Variants in TMEM87A observed in about 807,000 individuals in gnomAD.
TMEM87A encodes transmembrane protein 87A.
A neutral mutation model predicts 90.0 loss-of-function variants in TMEM87A; 50 were observed. The ratio of observed to expected loss-of-function variants is 0.56; its 90% CI spans 0.44 to 0.70. The LOEUF (loss-of-function observed/expected upper bound fraction) is 0.70, where lower values mean the gene tolerates loss of function less well. Among genes scored for constraint, TMEM87A ranks in the 30% least tolerant of loss-of-function variants. The pLI is 0.00. For synonymous variants in TMEM87A, 226 were observed against 226.7 expected (o/e 1.00, Z 0.03); for missense variants, 577 against 660.5 (o/e 0.87, Z 1.39).
intron 6 of TMEM87A, among the ~76,000 whole-genome samples, chr15:42,246,846 C>T (rs2050982678): frequency 6.6e-6 from 1 of 152,180 alleles, no homozygotes; most frequent in Admixed American, 6.5e-5. Flanking sequence ...ATTTCTAGTT[C>T]TAGATCCTTG....
Position 42,220,920 on chromosome 15 carries a change from T to G in TMEM87A, c.1404-785A>C, listed in dbSNP as rs1028546521. 2.6e-5 allele frequency among the ~76,000 whole-genome samples: 4 copies of G among 152,162 alleles called. No individual in the cohort carries two copies. In the East Asian group the frequency reaches 7.7e-4, roughly 29 times the overall value. ...CATTCTCCTGCCTCAGCTTCCCGAA[T>G]AGCTGGGAGTACAGGCGCCCGCCAC... On this transcript the variant is annotated intron_variant, in intron 15 of 19. Coordinates refer to ENST00000389834, the MANE Select transcript of TMEM87A (RefSeq NM_015497.5).
chr15:42,259,085 A>G (rs1030613834), intron 6 of TMEM87A: 1 of 675,986 alleles, frequency 1.5e-6, no homozygotes, highest in African/African-American at 1.8e-5. Flanking sequence ...GAAACTGTTA[A>G]CAGCTGATAA....
rs376455422 is a variant in TMEM87A, at chr15:42,267,954, T to C, written c.284A>G (p.Asn95Ser). Residue 95 changes from asparagine to serine, a missense_variant, in exon 3 of 20, where the codon AAC becomes AGC. Asn to Ser is a conservative substitution (Grantham distance 46). Coordinates refer to ENST00000389834, the MANE Select transcript of TMEM87A (RefSeq NM_015497.5). ...KSADCYNEIY[N>S]FKAEEVELYL... ...TAATTTTATGTTCCTTACCTTGAAG[T>C]TATAGATTTCATTGTAACAATCAGC... 44 of 1,612,160 alleles carry C rather than the reference T, an allele frequency of 2.7e-5. No individual in the cohort carries two copies. The highest frequency in any genetic ancestry group is 2.3e-4 in the Admixed American group (14 of 59,856).
rs1303329651 is a variant in TMEM87A, at chr15:42,273,369, C to A, written c.30G>T (p.Leu10Phe). 1.2e-6 allele frequency: 2 copies of A among 1,614,124 alleles called. No homozygotes were observed. Among genetic ancestry groups the A allele is most frequent in the Middle Eastern group, 1.6e-4 (1 of 6,062 alleles). Residue 10 changes from leucine (L) to phenylalanine (F), a missense_variant, in exon 1 of 20, where the codon TTG becomes TTT. Transcript: ENST00000389834. The part of the protein sequence containing the change: MAAAAWLQV[L>F]PVILLLLGAH... ...CTCCCAGAAGCAGAAGAATGACAGG[C>A]AACACCTGAAGCCACGCAGCCGCCG...
intron 11 of TMEM87A, among the ~76,000 whole-genome samples, chr15:42,232,300 C>A (rs2050698546): frequency 6.6e-6 from 1 of 152,138 alleles, no homozygotes; most frequent in South Asian, 2.1e-4. Context: ...TGGCTCACCG[C>A]AGCCTGAACT....
intron 1 of TMEM87A, 88 bp downstream of exon 1, chr15:42,273,166 CT>C (rs2051586852): frequency 6.5e-7 from 1 of 1,538,268 alleles, no homozygotes; most frequent in Non-Finnish European, 8.9e-7. Context: ...TTTGAAGAGA[CT>C]TTTGCGGAAC....
intron 6 of TMEM87A, among the ~76,000 whole-genome samples, chr15:42,250,081 T>C (rs891447644): frequency 1.3e-5 from 2 of 152,222 alleles, no homozygotes; most frequent in African/African-American, 2.4e-5. Flanking sequence ...GAGACTAGAA[T>C]TGCAACCCTG....
intron 8 of TMEM87A, among the ~76,000 whole-genome samples, chr15:42,238,441 G>A (rs926111959): frequency 4.6e-5 from 7 of 151,974 alleles, no homozygotes; most frequent in African/African-American, 1.5e-4. Context: ...ATGGTGGTGC[G>A]CACCTGTAGT....
At chr15:42,246,827 T>A (rs1160276465) in intron 6 of TMEM87A, among the ~76,000 whole-genome samples, 1 of 152,178 alleles carries the variant, frequency 6.6e-6, no homozygotes, top group Non-Finnish European at 1.5e-5. Flanking sequence ...GATGGCTGGG[T>A]CAACTGGTAT....
intron 10 of TMEM87A, among the ~76,000 whole-genome samples, chr15:42,233,708 T>C (rs1296141493): frequency 6.6e-6 from 1 of 152,160 alleles, no homozygotes; most frequent in Non-Finnish European, 1.5e-5. Context: ...TTTGATATAT[T>C]TCAGTATGTG....
chr15:42,212,466 T>C (rs935354688), intron 19 of TMEM87A, among the ~76,000 whole-genome samples: 1 of 152,190 alleles, frequency 6.6e-6, no homozygotes, highest in East Asian at 1.9e-4. Flanking sequence ...TCCTTTCCGA[T>C]GCTCTCTGTT....
intron 6 of TMEM87A, chr15:42,258,729 A>G (rs1394256007): frequency 4.1e-5 from 57 of 1,382,820 alleles, no homozygotes; most frequent in South Asian, 3.5e-4. Context: ...ACCCAGTCCT[A>G]ATGGCTATCT....
chr15:42,273,440 T>C, upstream of TMEM87A: 1 of 1,610,394 alleles, frequency 6.2e-7, no homozygotes, highest in Non-Finnish European at 8.5e-7. Flanking sequence ...TTTCACCCTC[T>C]TCCGGTTCGT....
chr15:42,213,363 A>G (rs1210407493), intron 19 of TMEM87A, among the ~76,000 whole-genome samples: 1 of 152,226 alleles, frequency 6.6e-6, no homozygotes, highest in African/African-American at 2.4e-5. Flanking sequence ...CCCCCAGCTC[A>G]GTGCAGAGTA....
At chr15:42,225,311 G>A (rs973775474) in intron 15 of TMEM87A, among the ~76,000 whole-genome samples, 5 of 151,232 alleles carry the variant, frequency 3.3e-5, no homozygotes, top group Admixed American at 2.0e-4. Flanking sequence ...GGGGGGGGGG[G>A]GAAGGCATAA....
chr15:42,244,008 A>G (rs986254079), intron 7 of TMEM87A, 42 bp downstream of exon 7: 4 of 1,193,238 alleles, frequency 3.4e-6, no homozygotes, highest in Non-Finnish European at 4.7e-6. Context: ...GAATGACATA[A>G]CCAGATAATA....
At chr15:42,244,963 T>C (rs1220921041) in intron 6 of TMEM87A, among the ~76,000 whole-genome samples, 3 of 151,684 alleles carry the variant, frequency 2.0e-5, no homozygotes, top group Non-Finnish European at 4.4e-5. Context: ...CCAAAATGAA[T>C]AGCTGATTTT....
chr15:42,272,880 C>A, intron 1 of TMEM87A: 1 of 468,256 alleles, frequency 2.1e-6, no homozygotes, highest in Non-Finnish European at 4.2e-6. Context: ...AATGAAGACT[C>A]CTATTTACAT....
At chr15:42,245,478 T>C (rs891644567) in intron 6 of TMEM87A, among the ~76,000 whole-genome samples, 1 of 152,076 alleles carries the variant, frequency 6.6e-6, no homozygotes, top group African/African-American at 2.4e-5. Flanking sequence ...AAAAATAACA[T>C]TTATATGCCA....
Sources: allele counts gnomAD v4.1 joint callset (sites outside exome capture counted in the v4.1 genomes callset), GRCh38; gene constraint gnomAD v4.1.1; transcripts MANE v1.5; gene names NCBI Gene and HGNC (gene_info 2026-07-23, HGNC 2026-07-21).